Variants in NECTIN3 observed in about 807,000 individuals in gnomAD.
NECTIN3 encodes nectin cell adhesion molecule 3, also known as nectin-3.
Under a neutral mutation model 49.4 loss-of-function variants are expected in NECTIN3, and 8 were observed. That is an observed-to-expected ratio of 0.16 (90% CI 0.10 to 0.29). The LOEUF (loss-of-function observed/expected upper bound fraction) is 0.29. NECTIN3 is among the 10% of genes least tolerant of loss of function. The pLI, the probability that NECTIN3 is intolerant of heterozygous loss-of-function variation, is 1.00. For synonymous variants in NECTIN3, 277 were observed against 241.1 expected, an observed-to-expected ratio of 1.15 and a Z score of -1.38; for missense variants, 581 against 654.6, an observed-to-expected ratio of 0.89 and a Z score of 1.23.
Position 111,133,958 on chromosome 3 carries a change from T to C in NECTIN3, c.1393T>C (p.Ser465Pro). ...TGTTCTTCAACAAGATGAGCTTGAT[T>C]CTTACCCAGACAGTGTAAAAAAAGA... ...IDVLQQDELDSYPDSVKKENK... is the reference protein window; with the variant it reads ...IDVLQQDELDPYPDSVKKENK... Residue 465 changes from serine (S) to proline (P), a missense_variant, in exon 6 of 6, where the codon TCT (serine) becomes CCT (proline). Transcript: ENST00000485303. 3 of 1,613,840 alleles carry C rather than the reference T, an allele frequency of 1.9e-6. No individual in the cohort carries two copies. Among genetic ancestry groups the C allele is most frequent in the Non-Finnish European group, 2.5e-6 (3 of 1,179,846 alleles).
intron 7 of NECTIN3, among the ~76,000 whole-genome samples, chr3:111,157,632 G>GT (rs2035124202): frequency 6.6e-6 from 1 of 152,052 alleles, no homozygotes; most frequent in African/African-American, 2.4e-5. Context: ...CAATAATTAG[G>GT]TTTGTCTCAT....
chr3:111,074,059 G>A (rs2399372), intron 1 of NECTIN3: 325,164 of 334,416 alleles, frequency 0.97, 158,751 homozygotes, highest in East Asian at 1. Flanking sequence ...GGTAGACACT[G>A]GTTTTGTATT....
intron 5 of NECTIN3, among the ~76,000 whole-genome samples, chr3:111,143,219 T>C (rs1264539726): frequency 1.3e-5 from 2 of 151,880 alleles, no homozygotes; most frequent in Non-Finnish European, 2.9e-5. Context: ...TTTTTTTTAA[T>C]CTAGTACATA....
chr3:111,136,741 C>G lies in NECTIN3; in HGVS notation c.*2526C>G. On this transcript the variant is annotated 3_prime_UTR_variant, in exon 6 of 6. Transcript: ENST00000485303. ...ATTTATTTCTTTCATATGGTTTGAA[C>G]TGTTTTAGCATTTTGTAAATTCACT... is the stretch of plus-strand genomic sequence containing the variant. 1 of 918,954 alleles carries G rather than the reference C, an allele frequency of 1.1e-6. No homozygotes were observed. The highest frequency in any genetic ancestry group is 1.3e-6 in the Non-Finnish European group (1 of 769,906). 56.9% of individuals were successfully genotyped at this position (918,954 alleles called of 1,614,324 possible).
intron 7 of NECTIN3, among the ~76,000 whole-genome samples, chr3:111,150,550 A>G (rs1333628936): frequency 6.6e-6 from 1 of 151,988 alleles, no homozygotes; most frequent in Non-Finnish European, 1.5e-5. Context: ...ATGACACAGA[A>G]TATAAAAAGC....
intron 7 of NECTIN3, among the ~76,000 whole-genome samples, chr3:111,158,151 A>G (rs895162391): frequency 6.6e-6 from 1 of 152,142 alleles, no homozygotes; most frequent in South Asian, 2.1e-4. Context: ...GACAGCTCAC[A>G]TAGATACTAG....
chr3:111,115,775 G>A (rs1340435894), intron 2 of NECTIN3, among the ~76,000 whole-genome samples: 7 of 152,192 alleles, frequency 4.6e-5, no homozygotes, highest in Non-Finnish European at 8.8e-5. Context: ...AATTAATTTT[G>A]TAATTTCTGC....
chr3:111,075,025 A>G (rs1376402023), intron 1 of NECTIN3: 3 of 152,092 alleles, frequency 2.0e-5, no homozygotes. Context: ...TGAATGTTTA[A>G]AAGAGCACAG....
At chr3:111,090,573 TG>T (rs2032206954) in intron 1 of NECTIN3, among the ~76,000 whole-genome samples, 1 of 6,298 alleles carries the variant, frequency 1.6e-4, no homozygotes, top group South Asian at 0.1. Context: ...CTTGTTTGTG[TG>T]TGTGTGTGTG....
At chr3:111,089,944 C>A (rs533737991) in intron 1 of NECTIN3, among the ~76,000 whole-genome samples, 6 of 152,220 alleles carry the variant, frequency 3.9e-5, no homozygotes, top group African/African-American at 1.4e-4. Context: ...GAGGTGCAAT[C>A]AAATTTCGAA....
chr3:111,096,849 C>A (rs2032613993), intron 1 of NECTIN3, among the ~76,000 whole-genome samples: 1 of 152,244 alleles, frequency 6.6e-6, no homozygotes, highest in East Asian at 1.9e-4. Flanking sequence ...GATGCCCAGG[C>A]AAATGTTTGT....
intron 7 of NECTIN3, among the ~76,000 whole-genome samples, chr3:111,173,205 G>T (rs2035465529): frequency 6.6e-6 from 1 of 152,188 alleles, no homozygotes; most frequent in African/African-American, 2.4e-5. Flanking sequence ...GAACAAGGAA[G>T]ATCTATTTCT....
chr3:111,140,343 C>T (rs1038276541), downstream of NECTIN3, among the ~76,000 whole-genome samples: 2 of 151,220 alleles, frequency 1.3e-5, no homozygotes, highest in African/African-American at 4.8e-5. Flanking sequence ...AACTGGTCTG[C>T]TGATGCATTT....
chr3:111,106,277 G>A (rs1010658119), intron 1 of NECTIN3, among the ~76,000 whole-genome samples: 8 of 152,114 alleles, frequency 5.3e-5, no homozygotes, highest in Non-Finnish European at 7.3e-5. Flanking sequence ...TTCACCCAAC[G>A]CATTCTGATG....
chr3:111,104,570 A>T (rs927082481), intron 1 of NECTIN3, among the ~76,000 whole-genome samples: 5 of 151,862 alleles, frequency 3.3e-5, no homozygotes. Flanking sequence ...TCCTCCTGCT[A>T]TAGCTTCCCA....
chr3:111,133,493 T>TA (rs1012304026), intron 5 of NECTIN3, 142 bp from the exon 6 acceptor site: 1 of 1,250,938 alleles, frequency 8.0e-7, no homozygotes, highest in African/African-American at 1.5e-5. Context: ...ATTCTAATCT[T>TA]AATCAAATTA....
chr3:111,111,974 A>C, intron 1 of NECTIN3, 56 bp from the exon 2 acceptor site: 3 of 1,148,976 alleles, frequency 2.6e-6, no homozygotes, highest in Non-Finnish European at 3.7e-6. Context: ...AAGGGAGGAG[A>C]GTGTTGACCA....
rs2034515186 is a variant in NECTIN3, at chr3:111,134,660, C to T, written c.*445C>T. 1 of 859,164 alleles carries T rather than the reference C, an allele frequency of 1.2e-6. No homozygotes were observed. Among genetic ancestry groups the T allele is most frequent in the Non-Finnish European group, 1.4e-6 (1 of 715,266 alleles). The allele number at this position is 859,164 out of a possible 1,614,324, so 53.2% of individuals were successfully genotyped here. Reference sequence around the variant, plus strand: ...CTCAATGACACTGCATCAAAATTGACTATAAAACTAATTCAAGAAATATTT... The same window carrying T: ...CTCAATGACACTGCATCAAAATTGATTATAAAACTAATTCAAGAAATATTT... On this transcript the variant is annotated 3_prime_UTR_variant, in exon 6 of 6. Transcript: ENST00000485303.
intron 1 of NECTIN3, among the ~76,000 whole-genome samples, chr3:111,078,978 G>C (rs1261645016): frequency 6.6e-6 from 1 of 152,122 alleles, no homozygotes; most frequent in East Asian, 1.9e-4. Context: ...ATTTAAGATA[G>C]TCTATTTTGT....
Sources: allele counts gnomAD v4.1 joint callset (sites outside exome capture counted in the v4.1 genomes callset), GRCh38; gene constraint gnomAD v4.1.1; transcripts MANE v1.5; gene names NCBI Gene and HGNC (gene_info 2026-07-23, HGNC 2026-07-21).